The following DTNA variants were observed in gnomAD, a reference collection of about 807,000 sequenced individuals.
The protein encoded by DTNA is dystrophin-related protein 3.
A neutral mutation model predicts 100.7 loss-of-function variants in DTNA; 43 were observed. That is an observed-to-expected ratio of 0.43 (90% CI 0.33 to 0.55). The LOEUF (loss-of-function observed/expected upper bound fraction) is 0.55. Ranked by LOEUF, DTNA falls within the 20% of genes least tolerant of loss-of-function variation. DTNA has a pLI of 0.04. For synonymous variants in DTNA, 349 were observed against 347.9 expected (o/e 1.00, Z -0.04); for missense variants, 798 against 953.9 (o/e 0.84, Z 2.15).
intron 3 of DTNA, among the ~76,000 whole-genome samples, chr18:34,788,227 C>A (rs1173186895): frequency 6.6e-6 from 1 of 152,156 alleles, no homozygotes; most frequent in Non-Finnish European, 1.5e-5. Context: ...ATACAACTGT[C>A]AGACTTTTAA....
At position 34,665,392 on chromosome 18, in the gene DTNA, G is replaced by T. The variant is rs1240973; in HGVS notation, c.-1-90584G>T. Among the ~76,000 whole-genome samples the T allele has an allele frequency of 2.3e-3, 355 of 152,042 alleles. 1 individual carries two copies. The highest frequency in any genetic ancestry group is 8.1e-3 in the African/African-American group (335 of 41,498). Reference sequence around the variant, plus strand: ...TATGAAAACAAGATTTATGATTGGGGTTTAATGCATATTAGAGAAGAATTA... The same window carrying T: ...TATGAAAACAAGATTTATGATTGGGTTTTAATGCATATTAGAGAAGAATTA... On this transcript the variant is annotated intron_variant, in intron 1 of 19. Transcript: ENST00000283365.
At chr18:34,584,190 T>G (rs1284637747) in intron 1 of DTNA, among the ~76,000 whole-genome samples, 4 of 152,088 alleles carry the variant, frequency 2.6e-5, no homozygotes, top group Non-Finnish European at 2.9e-5. Context: ...GTGAAACAAC[T>G]CAGCTTTGTC....
intron 3 of DTNA, among the ~76,000 whole-genome samples, chr18:34,780,697 A>G (rs1225849243): frequency 6.6e-6 from 1 of 152,166 alleles, no homozygotes; most frequent in Non-Finnish European, 1.5e-5. Flanking sequence ...CCAGGAATAG[A>G]CAGAGACTTT....
intron 1 of DTNA, among the ~76,000 whole-genome samples, chr18:34,662,568 A>C (rs1217131366): frequency 1.3e-5 from 2 of 151,856 alleles, no homozygotes; most frequent in Non-Finnish European, 3.0e-5. Flanking sequence ...CAGGAAAAAC[A>C]TATCTGCATG....
chr18:34,510,235 T>A (rs2040918974), intron 1 of DTNA, among the ~76,000 whole-genome samples: 1 of 151,758 alleles, frequency 6.6e-6, no homozygotes, highest in Admixed American at 6.6e-5. Flanking sequence ...TCTATGCCAA[T>A]TAGATTTTTT....
chr18:34,748,791 T>C (rs775585927), intron 1 of DTNA, among the ~76,000 whole-genome samples: 7 of 152,192 alleles, frequency 4.6e-5, no homozygotes, highest in Non-Finnish European at 8.8e-5. Context: ...ATGTGGGCTC[T>C]TTTTTGGTTC....
In DTNA at chr18:34,838,487, T is replaced by C. The variant is rs555313576; in HGVS notation, c.1254-258T>C. Among the ~76,000 whole-genome samples the C allele has an allele frequency of 2.6e-5, 4 of 152,220 alleles. No homozygotes were observed. The East Asian group carries it at 7.7e-4, about 29-fold the overall frequency. On this transcript the variant is annotated intron_variant, in intron 12 of 22. Coordinates refer to ENST00000444659, the MANE Select transcript of DTNA (RefSeq NM_001386795.1). ...CAGATGAATACCTTGGCCTTAGTGG[T>C]TGAAAAATGTAAATCTGTTTTCTAA...
At chr18:34,703,261 C>T (rs957593694) in intron 1 of DTNA, among the ~76,000 whole-genome samples, 7 of 152,148 alleles carry the variant, frequency 4.6e-5, no homozygotes, top group Admixed American at 1.3e-4. Flanking sequence ...TTTGAAAATT[C>T]GTCCTTGATG....
intron 1 of DTNA, among the ~76,000 whole-genome samples, chr18:34,572,472 T>A (rs2047683391): frequency 6.6e-6 from 1 of 152,174 alleles, no homozygotes; most frequent in African/African-American, 2.4e-5. Flanking sequence ...GTGAGGCCAA[T>A]ATTATTATCA....
At chr18:34,811,573 G>C (rs929370498) in intron 5 of DTNA, among the ~76,000 whole-genome samples, 1 of 152,128 alleles carries the variant, frequency 6.6e-6, no homozygotes, top group Non-Finnish European at 1.5e-5. Flanking sequence ...CAACTTTATA[G>C]TAAAACTCTC....
chr18:34,867,271 G>A, intron 17 of DTNA: 1 of 1,231,174 alleles, frequency 8.1e-7, no homozygotes, highest in Non-Finnish European at 1.0e-6. Context: ...TCATTCCCAT[G>A]GTCTGTAAAA....
At chr18:34,773,222 C>T (rs1239885416) in intron 3 of DTNA, among the ~76,000 whole-genome samples, 1 of 152,242 alleles carries the variant, frequency 6.6e-6, no homozygotes, top group Non-Finnish European at 1.5e-5. Flanking sequence ...AATCCCTTCA[C>T]TGCAGCCCCT....
chr18:34,810,906 A>G lies in DTNA; in HGVS notation c.449-1053A>G, dbSNP rs2095473577. Among the ~76,000 whole-genome samples the G allele has an allele frequency of 2.0e-5, 3 of 152,220 alleles. No homozygotes were observed. The South Asian group carries it at 6.2e-4, about 32-fold the overall frequency. On this transcript the variant is annotated intron_variant, in intron 5 of 22. Transcript: ENST00000444659. Reference sequence around the variant, plus strand: ...AGCGGAAACCCTTTATAAATGGAGTATTTAATGAAAATGAGAGTCAATTCA... The same window carrying G: ...AGCGGAAACCCTTTATAAATGGAGTGTTTAATGAAAATGAGAGTCAATTCA...
chr18:34,703,728 A>C (rs1342645153), intron 1 of DTNA, among the ~76,000 whole-genome samples: 1 of 152,196 alleles, frequency 6.6e-6, no homozygotes, highest in Non-Finnish European at 1.5e-5. Flanking sequence ...TTTTGGGTCA[A>C]TTTATATGAA....
intron 1 of DTNA, among the ~76,000 whole-genome samples, chr18:34,514,812 G>A (rs2145022791): frequency 6.6e-6 from 1 of 152,064 alleles, no homozygotes; most frequent in South Asian, 2.1e-4. Context: ...CATTGATGAA[G>A]GTTTTGTCCT....
At chr18:34,515,179 T>C (rs548354360) in intron 1 of DTNA, among the ~76,000 whole-genome samples, 51 of 152,168 alleles carry the variant, frequency 3.4e-4, no homozygotes, top group Non-Finnish European at 6.9e-4. Context: ...CCAAACAGGA[T>C]TTTTCACTTC....
chr18:34,769,105 A>G (rs2093633774), intron 3 of DTNA, among the ~76,000 whole-genome samples: 1 of 152,214 alleles, frequency 6.6e-6, no homozygotes, highest in Non-Finnish European at 1.5e-5. Context: ...AGGAAAAAAA[A>G]CAAGCATATT....
intron 1 of DTNA, among the ~76,000 whole-genome samples, chr18:34,717,523 G>A (rs1423994734): frequency 6.6e-6 from 1 of 152,134 alleles, no homozygotes; most frequent in Non-Finnish European, 1.5e-5. Context: ...CAAGTAGTCT[G>A]TAGTTTTGTT....
intron 1 of DTNA, among the ~76,000 whole-genome samples, chr18:34,734,535 T>C (rs1484130081): frequency 6.6e-6 from 1 of 151,904 alleles, no homozygotes; most frequent in Non-Finnish European, 1.5e-5. Context: ...GATAAGAGCT[T>C]GTCTGTTTTT....
Sources: gnomAD v4.1 joint callset for allele counts (sites outside exome capture counted in the v4.1 genomes callset) on GRCh38, gnomAD v4.1.1 for gene constraint, MANE v1.5 for transcripts, NCBI Gene and HGNC (gene_info 2026-07-23, HGNC 2026-07-21) for gene names.